COL27A1: variants seen among roughly 807,000 people sequenced by gnomAD.
COL27A1 encodes the protein collagen alpha-1(XXVII) chain.
COL27A1 carries 106 observed loss-of-function variants against 251.3 expected under a neutral mutation model. The ratio of observed to expected loss-of-function variants is 0.42; its 90% CI spans 0.36 to 0.50. The LOEUF (loss-of-function observed/expected upper bound fraction) is 0.50, where lower values mean the gene tolerates loss of function less well. Among genes scored for constraint, COL27A1 ranks in the 20% least tolerant of loss-of-function variants. The probability of loss-of-function intolerance (pLI) is 0.00; values close to 1 mark genes in which losing one functional copy is unlikely to be tolerated. For synonymous variants in COL27A1, 1,000 were observed against 986.3 expected (o/e 1.01, Z -0.26); for missense variants, 2,325 against 2,522.8 (o/e 0.92, Z 1.68).
At chr9:114,175,184 G>A (rs889298496) in intron 3 of COL27A1, among the ~76,000 whole-genome samples, 1 of 152,182 alleles carries the variant, frequency 6.6e-6, no homozygotes, top group African/African-American at 2.4e-5. Flanking sequence ...GGCTCTGTTT[G>A]CGTACGCCTG....
rs73656005 is a variant in COL27A1, at chr9:114,164,200, C to T, written c.133+1415C>T. On this transcript the variant is annotated intron_variant, in intron 2 of 60. Transcript: ENST00000356083. ...GTGAGGATAATAAAGAGTACCTGCT[C>T]CATAGATTGCTGAGAGAATCAAGTG... Among the ~76,000 whole-genome samples the T allele has an allele frequency of 3.9e-3, 596 of 152,250 alleles. 8 individuals carry two copies. Among genetic ancestry groups the T allele is most frequent in the African/African-American group, 0.014 (587 of 41,550 alleles).
At chr9:114,194,380 A>G (rs373239976) in intron 5 of COL27A1, 24 bp from the exon 6 acceptor site, 4 of 1,613,178 alleles carry the variant, frequency 2.5e-6, no homozygotes, top group Non-Finnish European at 2.5e-6. Context: ...CTTGGTGGCC[A>G]AAGTGGAATT....
At position 114,167,700 on chromosome 9, in the gene COL27A1, C is replaced by T. The variant is rs1229184717; in HGVS notation, c.145C>T (p.Leu49Phe). 1.2e-6 allele frequency: 2 copies of T among 1,610,962 alleles called. No individual in the cohort carries two copies. The highest frequency in any genetic ancestry group is 1.1e-5 in the South Asian group (1 of 90,818). Residue 49 changes from leucine to phenylalanine, a missense_variant, in exon 3 of 61, where the codon CTC (leucine) becomes TTC (phenylalanine). Around this residue, in one of 4 missense-constraint regions of COL27A1, gnomAD observed 1,183 missense variants for 1,144.1 expected, o/e 1.03. Coordinates refer to ENST00000356083, the MANE Select transcript of COL27A1 (RefSeq NM_032888.4). ...TQGAPEDVDI[L>F]QRLGLSWTKA... Reference sequence around the variant, plus strand: ...TCCCTCCCTCTCAGATGTGGACATCCTCCAGCGGCTGGGCCTCAGCTGGAC... The same window carrying T: ...TCCCTCCCTCTCAGATGTGGACATCTTCCAGCGGCTGGGCCTCAGCTGGAC...
chr9:114,187,413 G>A (rs189397590), intron 5 of COL27A1, among the ~76,000 whole-genome samples: 1 of 152,356 alleles, frequency 6.6e-6, no homozygotes, highest in Non-Finnish European at 1.5e-5. Flanking sequence ...GCAACCTTTG[G>A]GCCAGGCCCC....
At chr9:114,233,843 AAG>A (rs757752174) in intron 16 of COL27A1, among the ~76,000 whole-genome samples, 24 of 152,174 alleles carry the variant, frequency 1.6e-4, no homozygotes, top group Middle Eastern at 3.2e-3. Flanking sequence ...TAGGGGAAAA[AAG>A]AGAGAGAGGG....
intron 28 of COL27A1, among the ~76,000 whole-genome samples, chr9:114,262,883 G>T (rs573134137): frequency 6.6e-4 from 101 of 152,050 alleles, no homozygotes; most frequent in African/African-American, 2.3e-3. Flanking sequence ...AGGCAGCTGA[G>T]AAGTGGAATT....
At chr9:114,261,217 C>G (rs1834309437) in intron 28 of COL27A1, among the ~76,000 whole-genome samples, 1 of 152,184 alleles carries the variant, frequency 6.6e-6, no homozygotes, top group Non-Finnish European at 1.5e-5. Flanking sequence ...GATTTTCTGT[C>G]CCAGGCAGGA....
At position 114,264,362 on chromosome 9, in the gene COL27A1, G is replaced by T; in HGVS notation, c.3203G>T (p.Arg1068Leu). 6.3e-7 allele frequency: 1 copy of T among 1,596,328 alleles called. No individual in the cohort carries two copies. Among genetic ancestry groups the T allele is most frequent in the Non-Finnish European group, 8.5e-7 (1 of 1,170,734 alleles). ...MRGAKGRRGP[R>L]GPDGPAGEQG... ...CCCTTTTTCCTATTCCAGGGCCCCC[G>T]AGGACCGGACGGACCAGCTGGGGAG... The change falls in exon 29 of 61, where the codon CGA becomes CTA. Residue 1068 changes from arginine (R) to leucine (L), a missense_variant. This residue lies in a region of COL27A1 where 662 missense variants were observed against 795.3 expected (regional missense o/e 0.83). Coordinates refer to ENST00000356083, the MANE Select transcript of COL27A1 (RefSeq NM_032888.4).
Position 114,167,709 on chromosome 9 carries a change from C to T in COL27A1, c.154C>T (p.Leu52=). Residue 52 remains leucine (L), a synonymous_variant, in exon 3 of 61, where the codon CTG becomes TTG. Transcript: ENST00000356083. The stretch of plus-strand genomic sequence containing the variant: ...CTCAGATGTGGACATCCTCCAGCGG[C>T]TGGGCCTCAGCTGGACGAAGGCCGG... ...APEDVDILQR[L]GLSWTKAGSP... The T allele has an allele frequency of 6.2e-7, 1 of 1,612,192 alleles. No individual in the cohort carries two copies. The highest frequency in any genetic ancestry group is 8.5e-7 in the Non-Finnish European group (1 of 1,178,722).
At chr9:114,252,847 T>C (rs756858634) in intron 26 of COL27A1, 32 bp from the exon 27 acceptor site, 1 of 1,607,480 alleles carries the variant, frequency 6.2e-7, no homozygotes, top group South Asian at 1.1e-5. Flanking sequence ...CTTCCATAGC[T>C]GATTCCTCCT....
In COL27A1 at chr9:114,311,657, T is replaced by C. The variant is rs1588915160; in HGVS notation, c.*962T>C. 6.6e-6 allele frequency: 1 copy of C among 152,178 alleles called. No individual in the cohort carries two copies. The highest frequency in any genetic ancestry group is 1.9e-4 in the East Asian group (1 of 5,204). The allele number at this position is 152,178 out of a possible 1,614,324, so 9.4% of individuals were successfully genotyped here. On this transcript the variant is annotated 3_prime_UTR_variant, in exon 61 of 61. Coordinates refer to ENST00000356083, the MANE Select transcript of COL27A1 (RefSeq NM_032888.4). ...ATGGACTTTGAAATGTCTGTCCTTTTAAGGCAGCAGGGAGGCCTGGGTGCG... is the reference window on the plus strand; with the variant it reads ...ATGGACTTTGAAATGTCTGTCCTTTCAAGGCAGCAGGGAGGCCTGGGTGCG...
chr9:114,262,996 T>C (rs1425250550), intron 28 of COL27A1, among the ~76,000 whole-genome samples: 1 of 141,126 alleles, frequency 7.1e-6, no homozygotes, highest in Non-Finnish European at 1.5e-5. Flanking sequence ...TGGAGTGCAG[T>C]GGTGCGATCT....
At chr9:114,170,044 T>C (rs1419519336) in intron 3 of COL27A1, among the ~76,000 whole-genome samples, 2 of 152,228 alleles carry the variant, frequency 1.3e-5, no homozygotes. Context: ...CCAACTTCTC[T>C]TGGAAAGTGG....
intron 37 of COL27A1, among the ~76,000 whole-genome samples, chr9:114,279,266 C>A (rs1388304766): frequency 6.6e-6 from 1 of 152,198 alleles, no homozygotes; most frequent in African/African-American, 2.4e-5. Flanking sequence ...AGAGGGCTTC[C>A]TCTCACTGAG....
Position 114,169,011 on chromosome 9 carries a change from G to C in COL27A1, c.1456G>C (p.Ala486Pro), listed in dbSNP as rs890501928. ...TSTHKPPPFT[A>P]LSSSPAPTPG... is the part of the protein sequence containing the mutation. ...CACCCACAAACCTCCCCCATTTACTGCTTTATCCTCATCTCCTGCCCCTAC... is the reference window on the plus strand; with the variant it reads ...CACCCACAAACCTCCCCCATTTACTCCTTTATCCTCATCTCCTGCCCCTAC... Residue 486 changes from alanine to proline, a missense_variant, in exon 3 of 61, where the codon GCT becomes CCT. Physicochemically the swap from Ala to Pro is conservative, Grantham distance 27. Transcript: ENST00000356083. The C allele has an allele frequency of 6.2e-7, 1 of 1,613,940 alleles. No homozygotes were observed. Among genetic ancestry groups the C allele is most frequent in the Non-Finnish European group, 8.5e-7 (1 of 1,180,034 alleles).
intron 7 of COL27A1, among the ~76,000 whole-genome samples, chr9:114,203,876 C>G (rs1453043353): frequency 6.6e-6 from 1 of 152,038 alleles, no homozygotes; most frequent in African/African-American, 2.4e-5. Flanking sequence ...GGCTTGTTAG[C>G]AATGGGACTC....
intron 37 of COL27A1, among the ~76,000 whole-genome samples, chr9:114,281,429 C>T (rs546428413): frequency 3.9e-5 from 6 of 152,348 alleles, no homozygotes; most frequent in Admixed American, 1.3e-4. Flanking sequence ...CAGGGCAGAT[C>T]AGGCCGGAGG....
intron 54 of COL27A1, 98 bp downstream of exon 54, chr9:114,301,560 AT>A (rs1828639733): frequency 6.5e-7 from 1 of 1,541,756 alleles, no homozygotes; most frequent in South Asian, 1.2e-5. Flanking sequence ...GACCTCCGTC[AT>A]CCCGTCTGTG....
intron 9 of COL27A1, among the ~76,000 whole-genome samples, chr9:114,206,025 C>T (rs542432291): frequency 6.6e-5 from 10 of 152,252 alleles, no homozygotes; most frequent in Admixed American, 3.9e-4. Context: ...TCTGGTTCTG[C>T]GGGGCTGGGG....
Sources: allele counts gnomAD v4.1 joint callset (sites outside exome capture counted in the v4.1 genomes callset), GRCh38; gene constraint gnomAD v4.1.1; regional missense constraint gnomAD v4.1.1; transcripts MANE v1.5; gene names NCBI Gene and HGNC (gene_info 2026-07-23, HGNC 2026-07-21).